NUDCD1: variants seen among roughly 807,000 people sequenced by gnomAD.
NUDCD1 encodes NudC domain containing 1.
A neutral mutation model predicts 67.8 loss-of-function variants in NUDCD1; 60 were observed. That is an observed-to-expected ratio of 0.88 (90% confidence interval 0.72 to 1.10). The LOEUF is 1.10. Ranked by LOEUF, NUDCD1 falls within the 50% of genes least tolerant of loss-of-function variation. The pLI, the probability that NUDCD1 is intolerant of heterozygous loss-of-function variation, is 0.00. For synonymous variants in NUDCD1, 244 were observed against 230.8 expected (o/e 1.06, Z -0.52); for missense variants, 643 against 695.0 (o/e 0.93, Z 0.84).
At chr8:109,261,906 C>A (rs1813871158) in intron 8 of NUDCD1, among the ~76,000 whole-genome samples, 4 of 151,992 alleles carry the variant, frequency 2.6e-5, no homozygotes, top group Admixed American at 2.6e-4. Flanking sequence ...TAGTACACAC[C>A]ATAAAGAAGT....
chr8:109,249,848 T>C (rs1277208811), intron 8 of NUDCD1, among the ~76,000 whole-genome samples: 1 of 40,392 alleles, frequency 2.5e-5, no homozygotes, highest in Non-Finnish European at 5.2e-5. Context: ...TGTTGAATTC[T>C]TTTTTTTTTT....
At chr8:109,296,684 C>T (rs1157397903) in intron 2 of NUDCD1, 115 bp from the exon 3 acceptor site, 2 of 707,752 alleles carry the variant, frequency 2.8e-6, no homozygotes, top group Non-Finnish European at 4.6e-6. Context: ...AGTCTAATTC[C>T]TCTTCCTTTG....
At chr8:109,245,199 C>T (rs865920566) in intron 9 of NUDCD1, 123 bp downstream of exon 9, 33 of 895,084 alleles carry the variant, frequency 3.7e-5, no homozygotes, top group Middle Eastern at 3.3e-4. Context: ...CAAATCATAG[C>T]GCAAATCAAT....
At chr8:109,297,058 C>T (rs1382564914) in intron 2 of NUDCD1, among the ~76,000 whole-genome samples, 2 of 152,154 alleles carry the variant, frequency 1.3e-5, no homozygotes, top group African/African-American at 2.4e-5. Context: ...TGAACTACTC[C>T]CTGATTTCTG....
At position 109,253,468 on chromosome 8, in the gene NUDCD1, C is replaced by T. The variant is rs186599235; in HGVS notation, c.1300-7987G>A. 6.8e-4 allele frequency among the ~76,000 whole-genome samples: 104 copies of T among 152,330 alleles called. 1 individual carries two copies. Among genetic ancestry groups the T allele is most frequent in the Middle Eastern group, 3.4e-3 (1 of 294 alleles). ...GTGCTATTTTCTAAACAATGTTCCA[C>T]GTTTCCTTTAGGCCTGACTTGCCAG... On this transcript the variant is annotated intron_variant, in intron 8 of 9. Transcript: ENST00000239690.
chr8:109,274,713 C>A (rs973331153), intron 7 of NUDCD1, among the ~76,000 whole-genome samples: 1 of 152,102 alleles, frequency 6.6e-6, no homozygotes, highest in East Asian at 1.9e-4. Context: ...TCTTCCTCAT[C>A]TCTATAATTC....
At chr8:109,280,903 T>C (rs1814419734) in intron 6 of NUDCD1, 65 bp downstream of exon 6, 2 of 750,966 alleles carry the variant, frequency 2.7e-6, no homozygotes, top group East Asian at 5.5e-5. Context: ...GTAACCACTG[T>C]GGAAAGAGTA....
intron 8 of NUDCD1, among the ~76,000 whole-genome samples, chr8:109,257,266 G>A (rs1284265057): frequency 6.6e-6 from 1 of 152,098 alleles, no homozygotes; most frequent in African/African-American, 2.4e-5. Flanking sequence ...CTACAATAAA[G>A]TAACTGGAAA....
At chr8:109,270,981 G>T (rs1433587632) in intron 8 of NUDCD1, 24 bp downstream of exon 8, 3 of 1,499,596 alleles carry the variant, frequency 2.0e-6, no homozygotes, top group Non-Finnish European at 2.7e-6. Context: ...CAAAATTTTA[G>T]AAATATTAAT....
At chr8:109,328,541 G>C (rs769817838) in intron 1 of NUDCD1, among the ~76,000 whole-genome samples, 7 of 152,112 alleles carry the variant, frequency 4.6e-5, no homozygotes, top group Non-Finnish European at 8.8e-5. Context: ...CATCTGAAAG[G>C]GTTGAAGAGA....
At chr8:109,261,339 T>A (rs538229300) in intron 8 of NUDCD1, among the ~76,000 whole-genome samples, 1 of 151,972 alleles carries the variant, frequency 6.6e-6, no homozygotes, top group South Asian at 2.1e-4. Flanking sequence ...AAATGAAAAA[T>A]CCACACTAGA....
chr8:109,248,625 C>T (rs1294169120), intron 8 of NUDCD1, among the ~76,000 whole-genome samples: 1 of 150,496 alleles, frequency 6.6e-6, no homozygotes, highest in African/African-American at 2.5e-5. Context: ...AGCTTCTAGA[C>T]TTAGTACATA....
At chr8:109,312,334 G>A (rs1815277300) in intron 2 of NUDCD1, among the ~76,000 whole-genome samples, 1 of 146,522 alleles carries the variant, frequency 6.8e-6, no homozygotes, top group African/African-American at 2.5e-5. Context: ...CCAAATCACT[G>A]GTATAAAATA....
intron 2 of NUDCD1, among the ~76,000 whole-genome samples, chr8:109,301,812 C>A (rs905312456): frequency 1.3e-5 from 2 of 152,256 alleles, no homozygotes; most frequent in African/African-American, 4.8e-5. Context: ...CAGTCATGGA[C>A]TCGGGAAGAC....
chr8:109,309,876 AC>A (rs199594833), intron 2 of NUDCD1, among the ~76,000 whole-genome samples: 7 of 139,848 alleles, frequency 5.0e-5, no homozygotes, highest in Non-Finnish European at 3.2e-5. Flanking sequence ...CAAAAAAAAA[AC>A]AAAACAAACA....
At position 109,333,922 on chromosome 8, in the gene NUDCD1, A is replaced by T. The variant is rs1303858604; in HGVS notation, c.89T>A (p.Leu30Gln). The change falls in exon 1 of 10, where the codon CTG becomes CAG. Residue 30 changes from leucine to glutamine, a missense_variant. By Grantham distance (113) the Leu-to-Gln change is moderately radical (BLOSUM62 -2). Coordinates refer to ENST00000239690, the MANE Select transcript of NUDCD1 (RefSeq NM_032869.4). ...GTCAAGCTCCAGCTGGTAACAAGGC[A>T]GCGGCTCAAGAGAGAGCTTGTAACC... ...FEGYKLSLEP[L>Q]PCYQLELDAA... The T allele has an allele frequency of 6.2e-7, 1 of 1,614,194 alleles. No homozygotes were observed. The highest frequency in any genetic ancestry group is 1.1e-5 in the South Asian group (1 of 91,082).
At chr8:109,290,638 A>C (rs1267556267) in intron 4 of NUDCD1, among the ~76,000 whole-genome samples, 6 of 152,188 alleles carry the variant, frequency 3.9e-5, no homozygotes, top group Admixed American at 2.0e-4. Context: ...TTTAAGATAT[A>C]AACAATTAAC....
chr8:109,252,628 C>G (rs568344159), intron 8 of NUDCD1, among the ~76,000 whole-genome samples: 1 of 152,168 alleles, frequency 6.6e-6, no homozygotes. Context: ...GTGACAGTTA[C>G]GGGTCACACC....
chr8:109,253,975 A>C (rs1563659792), intron 8 of NUDCD1, among the ~76,000 whole-genome samples: 1 of 152,216 alleles, frequency 6.6e-6, no homozygotes, highest in Non-Finnish European at 1.5e-5. Flanking sequence ...AGATGTTCAG[A>C]AGGTTCCTGA....
Sources: gnomAD v4.1 joint callset for allele counts (sites outside exome capture counted in the v4.1 genomes callset) on GRCh38, gnomAD v4.1.1 for gene constraint, MANE v1.5 for transcripts, NCBI Gene and HGNC (gene_info 2026-07-23, HGNC 2026-07-21) for gene names.